DCDC1: variants seen among roughly 807,000 people sequenced by gnomAD.
DCDC1 encodes the protein doublecortin domain containing 1.
In DCDC1, 200 loss-of-function variants were observed where a neutral mutation model predicts 178.3. The ratio of observed to expected loss-of-function variants is 1.12; its 90% confidence interval spans 1.00 to 1.26. The LOEUF (loss-of-function observed/expected upper bound fraction) is 1.26. DCDC1 is among the 50% of genes most tolerant of loss of function. The probability of loss-of-function intolerance (pLI) is 0.00; values close to 1 mark genes in which losing one functional copy is unlikely to be tolerated. For synonymous variants in DCDC1, 690 were observed against 604.8 expected, an observed-to-expected ratio of 1.14 and a Z score of -2.07; for missense variants, 1,983 against 1,749.2, an observed-to-expected ratio of 1.13 and a Z score of -2.38.
chr11:30,933,705 C>T lies in DCDC1; in HGVS notation c.2716-1753G>A, dbSNP rs140588339. The stretch of plus-strand genomic sequence containing the variant: ...AGTATTGCTTCTTGTGAGAAACACA[C>T]TCACGCATCCAAACCCAAAGAATGG... On this transcript the variant is annotated intron_variant, in intron 21 of 38. Coordinates refer to ENST00000684477, the MANE Select transcript of DCDC1 (RefSeq NM_001387274.1). Among the ~76,000 whole-genome samples the T allele has an allele frequency of 1.6e-3, 243 of 152,296 alleles. 1 individual carries two copies. Among genetic ancestry groups the T allele is most frequent in the Non-Finnish European group, 2.6e-3 (180 of 68,010 alleles).
chr11:30,911,019 C>T (rs1434368787), intron 28 of DCDC1, among the ~76,000 whole-genome samples: 1 of 152,188 alleles, frequency 6.6e-6, no homozygotes, highest in Non-Finnish European at 1.5e-5. Flanking sequence ...GCAGCCACCA[C>T]TGAGACCATA....
At chr11:31,229,022 T>C (rs1975393353) in intron 9 of DCDC1, among the ~76,000 whole-genome samples, 1 of 152,038 alleles carries the variant, frequency 6.6e-6, no homozygotes, top group South Asian at 2.1e-4. Context: ...CCTGTACATA[T>C]ACCCTGCCAA....
intron 13 of DCDC1, among the ~76,000 whole-genome samples, chr11:31,105,260 C>T (rs968580372): frequency 6.6e-6 from 1 of 151,906 alleles, no homozygotes; most frequent in Non-Finnish European, 1.5e-5. Flanking sequence ...TGGTAAATTT[C>T]TCCGACTACA....
At chr11:30,906,455 C>G (rs1945067990) in intron 30 of DCDC1, 85 bp downstream of exon 30, 1 of 1,372,602 alleles carries the variant, frequency 7.3e-7, no homozygotes, top group African/African-American at 1.4e-5. Flanking sequence ...TGGAGATGAA[C>G]TTGAGTGCAA....
chr11:31,262,363 A>G (rs1944855703), intron 8 of DCDC1, among the ~76,000 whole-genome samples: 1 of 152,252 alleles, frequency 6.6e-6, no homozygotes, highest in Non-Finnish European at 1.5e-5. Context: ...TACTTGACAA[A>G]CTAAAAGTAG....
chr11:31,175,948 C>G (rs538849158), intron 9 of DCDC1, among the ~76,000 whole-genome samples: 2 of 152,238 alleles, frequency 1.3e-5, no homozygotes, highest in South Asian at 4.1e-4. Flanking sequence ...AGACAACTAT[C>G]CCACTAGATG....
intron 6 of DCDC1, among the ~76,000 whole-genome samples, chr11:31,300,821 G>C (rs1391134525): frequency 6.6e-6 from 1 of 152,090 alleles, no homozygotes; most frequent in Non-Finnish European, 1.5e-5. Flanking sequence ...GGACAGTATA[G>C]GTTTGCAAGC....
At chr11:30,989,038 G>C (rs1374335692) in intron 20 of DCDC1, among the ~76,000 whole-genome samples, 1 of 152,142 alleles carries the variant, frequency 6.6e-6, no homozygotes, top group Non-Finnish European at 1.5e-5. Flanking sequence ...CAATTCATGG[G>C]AGTAGATGAG....
chr11:31,082,583 TGATATA>T (rs1171831147), intron 17 of DCDC1, among the ~76,000 whole-genome samples: 1 of 117,558 alleles, frequency 8.5e-6, no homozygotes, highest in Non-Finnish European at 1.8e-5. Flanking sequence ...GATACAGATA[TGATATA>T]GATATAGATA....
intron 20 of DCDC1, among the ~76,000 whole-genome samples, chr11:31,032,707 T>C (rs1037889157): frequency 6.6e-6 from 1 of 152,182 alleles, no homozygotes; most frequent in Non-Finnish European, 1.5e-5. Flanking sequence ...TAATTAGAGA[T>C]GAGCTTTCTT....
At chr11:31,001,448 C>T (rs1305451926) in intron 20 of DCDC1, among the ~76,000 whole-genome samples, 3 of 152,122 alleles carry the variant, frequency 2.0e-5, no homozygotes, top group African/African-American at 7.2e-5. Context: ...TACTCTTTCA[C>T]AGGACAAAAA....
intron 7 of DCDC1, among the ~76,000 whole-genome samples, chr11:31,283,091 C>G (rs918954757): frequency 3.9e-5 from 6 of 152,106 alleles, no homozygotes; most frequent in Non-Finnish European, 7.4e-5. Context: ...CATTGAGCTT[C>G]TTAGATATGT....
intron 11 of DCDC1, among the ~76,000 whole-genome samples, chr11:31,123,021 A>G (rs1337602618): frequency 6.6e-6 from 1 of 152,124 alleles, no homozygotes; most frequent in African/African-American, 2.4e-5. Context: ...AAAAGCAGCC[A>G]TAGACAATAC....
intron 31 of DCDC1, chr11:30,904,033 A>G (rs1944893753): frequency 6.2e-6 from 1 of 161,790 alleles, no homozygotes; most frequent in Non-Finnish European, 1.3e-5. Context: ...CAACTGTTGT[A>G]ATACTTCATA....
At chr11:30,993,801 T>G (rs1472851743) in intron 20 of DCDC1, among the ~76,000 whole-genome samples, 1 of 152,146 alleles carries the variant, frequency 6.6e-6, no homozygotes, top group African/African-American at 2.4e-5. Context: ...ACGTTACATT[T>G]GTAGTCAAAA....
chr11:31,138,903 C>T (rs1350339360), intron 9 of DCDC1, among the ~76,000 whole-genome samples: 1 of 152,014 alleles, frequency 6.6e-6, no homozygotes, highest in Non-Finnish European at 1.5e-5. Context: ...CTAAGTATAT[C>T]AGAGATTCCG....
intron 20 of DCDC1, among the ~76,000 whole-genome samples, chr11:31,011,322 A>C (rs974276986): frequency 6.6e-6 from 1 of 152,220 alleles, no homozygotes; most frequent in East Asian, 1.9e-4. Flanking sequence ...CTAAATTTTT[A>C]AAAACCTGTT....
At chr11:31,103,114 T>G (rs2135743318) in intron 14 of DCDC1, among the ~76,000 whole-genome samples, 1 of 152,294 alleles carries the variant, frequency 6.6e-6, no homozygotes, top group South Asian at 2.1e-4. Context: ...TAAAAGCCAG[T>G]TTGTATTATT....
chr11:30,892,987 G>T lies in DCDC1; in HGVS notation c.4913C>A (p.Ser1638Tyr). The T allele has an allele frequency of 6.2e-7, 1 of 1,613,808 alleles. No individual in the cohort carries two copies. Among genetic ancestry groups the T allele is most frequent in the Middle Eastern group, 1.7e-4 (1 of 6,058 alleles). ...ELIRHTEAHL[S>Y]EIQEMESKIN... ...TTTGGATTCCATTTCTTGGATTTCAGAAAGGTGTGCCTGTCAAGAAAAGCC... is the reference window on the plus strand; with the variant it reads ...TTTGGATTCCATTTCTTGGATTTCATAAAGGTGTGCCTGTCAAGAAAAGCC... The change falls in exon 36 of 39, where the codon TCT (serine) becomes TAT (tyrosine). Residue 1638 changes from serine (S) to tyrosine (Y), a missense_variant. By Grantham distance (144) the Ser-to-Tyr change is moderately radical. Transcript: ENST00000684477.
Sources: gnomAD v4.1 joint callset for allele counts (sites outside exome capture counted in the v4.1 genomes callset) on GRCh38, gnomAD v4.1.1 for gene constraint, MANE v1.5 for transcripts, NCBI Gene and HGNC (gene_info 2026-07-23, HGNC 2026-07-21) for gene names.